The following ARMC3 variants were observed in gnomAD, a reference collection of about 807,000 sequenced individuals.
The protein encoded by ARMC3 is armadillo repeat containing 3, also known as armadillo repeat-containing protein 3.
Under a neutral mutation model 90.3 loss-of-function variants are expected in ARMC3, and 74 were observed. The observed-to-expected ratio is 0.82, with a 90% CI of 0.68 to 0.99. The LOEUF (loss-of-function observed/expected upper bound fraction) is 0.99. Among genes scored for constraint, ARMC3 ranks in the 50% least tolerant of loss-of-function variants. ARMC3 has a pLI of 0.00. For missense variants in ARMC3, 958 were observed against 1,042.8 expected (o/e 0.92, Z 1.12); for synonymous variants, 334 against 361.8 (o/e 0.92, Z 0.87).
intron 18 of ARMC3, among the ~76,000 whole-genome samples, chr10:23,035,352 G>A (rs1839088304): frequency 6.6e-6 from 1 of 152,024 alleles, no homozygotes; most frequent in Non-Finnish European, 1.5e-5. Flanking sequence ...ATGAATTTGG[G>A]GGAGTACACA....
chr10:22,963,934 A>C (rs1421006279), intron 7 of ARMC3, among the ~76,000 whole-genome samples: 15,746 of 115,506 alleles, frequency 0.14, 895 homozygotes, highest in Non-Finnish European at 0.19. Flanking sequence ...AAAAAAAAAA[A>C]AAAAAAAAAA....
intron 8 of ARMC3, among the ~76,000 whole-genome samples, chr10:22,980,674 C>T (rs1836146806): frequency 6.6e-6 from 1 of 152,034 alleles, no homozygotes; most frequent in Non-Finnish European, 1.5e-5. Context: ...ATTAAAAATA[C>T]TTTGGTTTCA....
chr10:22,971,151 T>C (rs140758421), intron 8 of ARMC3, among the ~76,000 whole-genome samples: 182 of 152,320 alleles, frequency 1.2e-3, no homozygotes, highest in African/African-American at 4.2e-3. Context: ...TTTGTCCTTT[T>C]GCAAATGCAT....
chr10:22,968,176 C>T, intron 7 of ARMC3, 130 bp from the exon 8 acceptor site: 1 of 757,826 alleles, frequency 1.3e-6, no homozygotes, highest in Non-Finnish European at 2.2e-6. Context: ...AACTCCTATT[C>T]CCTGGGGCCT....
At chr10:23,025,353 A>G (rs1838676143) in intron 16 of ARMC3, among the ~76,000 whole-genome samples, 1 of 152,194 alleles carries the variant, frequency 6.6e-6, no homozygotes, top group Admixed American at 6.5e-5. Flanking sequence ...GAGCCATAAA[A>G]AAAACCTCAG....
At chr10:23,018,673 C>A (rs547594850) in intron 16 of ARMC3, among the ~76,000 whole-genome samples, 1 of 152,104 alleles carries the variant, frequency 6.6e-6, no homozygotes, top group East Asian at 1.9e-4. Flanking sequence ...CCTGCCACCA[C>A]ACCTGGCTAA....
intron 16 of ARMC3, among the ~76,000 whole-genome samples, chr10:23,014,903 A>AC (rs1193543363): frequency 0.013 from 1,781 of 139,544 alleles, 51 homozygotes; most frequent in African/African-American, 0.042. Flanking sequence ...AAAAAAAAAA[A>AC]AAAAAACCCC....
chr10:23,020,214 C>T (rs983807976), intron 16 of ARMC3, among the ~76,000 whole-genome samples: 3 of 152,070 alleles, frequency 2.0e-5, no homozygotes, highest in Non-Finnish European at 4.4e-5. Context: ...CTGCAACCTC[C>T]GCCTCCCAGT....
intron 10 of ARMC3, among the ~76,000 whole-genome samples, chr10:22,989,082 A>T (rs1405505884): frequency 6.6e-6 from 1 of 152,150 alleles, no homozygotes; most frequent in Non-Finnish European, 1.5e-5. Context: ...GATTAGGAGG[A>T]CGTTGGGGGA....
At chr10:22,986,506 C>T (rs776797849) in intron 10 of ARMC3, among the ~76,000 whole-genome samples, 2 of 148,618 alleles carry the variant, frequency 1.3e-5, no homozygotes, top group Non-Finnish European at 3.0e-5. Context: ...GAGCCAAGAT[C>T]GCGCCACTTC....
intron 16 of ARMC3, chr10:23,014,082 C>T (rs1479795951): frequency 1.9e-6 from 3 of 1,549,796 alleles, no homozygotes; most frequent in East Asian, 4.9e-5. Context: ...CTCCCTCTTC[C>T]TCTGCACATT....
intron 16 of ARMC3, chr10:23,014,435 A>C: frequency 9.1e-7 from 1 of 1,099,430 alleles, no homozygotes; most frequent in Non-Finnish European, 1.1e-6. Flanking sequence ...ATGACTATTA[A>C]AACTTTGGAC....
Position 23,030,740 on chromosome 10 carries a change from G to C in ARMC3, c.2190G>C (p.Val730=), listed in dbSNP as rs778004628. The change falls in exon 17 of 19, where the codon GTG becomes GTC. Residue 730 remains valine, a synonymous_variant. Transcript: ENST00000298032. ...ATTTCTCTATGTATGTGTATGAGGT[G>C]ACCAAATCAATACTGCCAATAACCA... is the stretch of plus-strand genomic sequence containing the variant. The part of the protein sequence containing the change: ...DPDFSMYVYE[V]TKSILPITNI... 1 of 1,613,720 alleles carries C rather than the reference G, an allele frequency of 6.2e-7. No individual in the cohort carries two copies.
chr10:23,000,305 A>C (rs1047808269), intron 11 of ARMC3, among the ~76,000 whole-genome samples: 1 of 151,508 alleles, frequency 6.6e-6, no homozygotes, highest in African/African-American at 2.4e-5. Context: ...CTTTTCCCCC[A>C]CCTGATAAAT....
chr10:22,998,410 A>G lies in ARMC3; in HGVS notation c.1425+13A>G, dbSNP rs1837113942. 1 of 1,613,112 alleles carries G rather than the reference A, an allele frequency of 6.2e-7. No individual in the cohort carries two copies. The highest frequency in any genetic ancestry group is 8.5e-7 in the Non-Finnish European group (1 of 1,179,444). ...AGCCCGGACTGAGGTGAGAATTTTA[A>G]TAACATGTGTTCTCTCATTTTTCTG... On this transcript the variant is annotated intron_variant, in intron 11 of 18. Coordinates refer to ENST00000298032, the MANE Select transcript of ARMC3 (RefSeq NM_173081.5).
chr10:22,997,822 AAATAAT>A (rs961531535), intron 10 of ARMC3, among the ~76,000 whole-genome samples: 1 of 152,166 alleles, frequency 6.6e-6, no homozygotes, highest in African/African-American at 2.4e-5. Context: ...AAGTAAATAA[AAATAAT>A]AATAATAATG....
chr10:22,954,426 C>T, intron 3 of ARMC3, among the ~76,000 whole-genome samples: 1 of 151,606 alleles, frequency 6.6e-6, no homozygotes, highest in East Asian at 1.9e-4. Context: ...CTTTGGGAGG[C>T]TGAGGCAGGA....
chr10:22,977,546 T>A (rs927338783), intron 8 of ARMC3, among the ~76,000 whole-genome samples: 4 of 152,216 alleles, frequency 2.6e-5, no homozygotes, highest in African/African-American at 9.6e-5. Flanking sequence ...GCAGGTTTCC[T>A]CTATTACTGT....
chr10:22,972,446 TAGAA>T (rs1405139053), intron 8 of ARMC3, among the ~76,000 whole-genome samples: 14 of 152,216 alleles, frequency 9.2e-5, no homozygotes, highest in Non-Finnish European at 1.8e-4. Flanking sequence ...TTATTTGTAA[TAGAA>T]AGGAATTCAA....
Sources: gnomAD v4.1 joint callset for allele counts (sites outside exome capture counted in the v4.1 genomes callset) on GRCh38, gnomAD v4.1.1 for gene constraint, MANE v1.5 for transcripts, NCBI Gene and HGNC (gene_info 2026-07-23, HGNC 2026-07-21) for gene names.